LYRM1: variants seen among roughly 807,000 people sequenced by gnomAD.
The protein encoded by LYRM1 is LYR motif containing 1.
In LYRM1, 14 loss-of-function variants were observed where a neutral mutation model predicts 14.9. The observed-to-expected ratio is 0.94, with a 90% CI of 0.62 to 1.47. The LOEUF (loss-of-function observed/expected upper bound fraction) is 1.47, where lower values mean the gene tolerates loss of function less well. LYRM1 is among the 40% of genes most tolerant of loss of function. The pLI is 0.00. For synonymous variants in LYRM1, 43 were observed against 56.2 expected, an observed-to-expected ratio of 0.77 and a Z score of 1.05; for missense variants, 153 against 149.9, an observed-to-expected ratio of 1.02 and a Z score of -0.11.
chr16:20,911,828 C>T (rs2082608823), intron 1 of LYRM1, among the ~76,000 whole-genome samples: 1 of 152,136 alleles, frequency 6.6e-6, no homozygotes, highest in South Asian at 2.1e-4. Context: ...GAACTCCTGG[C>T]CTCAAATGAT....
At chr16:20,914,455 A>ATTT (rs35172104) in intron 1 of LYRM1, among the ~76,000 whole-genome samples, 12 of 132,222 alleles carry the variant, frequency 9.1e-5, no homozygotes, top group African/African-American at 2.3e-4. Context: ...CACCTGGCTA[A>ATTT]TTTTTTTTTT....
rs538746956 is a variant in LYRM1 at position 20,917,665 on chromosome 16, C to T, written c.159+1951C>T. Among the ~76,000 whole-genome samples the T allele has an allele frequency of 1.7e-4, 26 of 151,950 alleles. 1 individual carries two copies. The South Asian group carries it at 3.7e-3, about 22-fold the overall frequency. On this transcript the variant is annotated intron_variant, in intron 2 of 3. Transcript: ENST00000567954. ...TCCAGCTACTCAGGAGGCTGAGGCA[C>T]GAGAATTTCTTGAACCCAGGAGGCA...
intron 1 of LYRM1, among the ~76,000 whole-genome samples, chr16:20,911,834 A>G (rs1184396786): frequency 1.3e-5 from 2 of 152,114 alleles, no homozygotes; most frequent in Non-Finnish European, 2.9e-5. Flanking sequence ...CTGGCCTCAA[A>G]TGATCCTTCC....
Position 20,905,382 on chromosome 16 carries a change from C to T in LYRM1, c.-1+4493C>T, listed in dbSNP as rs192256786. On this transcript the variant is annotated intron_variant, in intron 1 of 3. Transcript: ENST00000567954. Reference sequence around the variant, plus strand: ...GTCAAGATTCAAACCCAGCCTTGTCCGCCCAGAGCCCAAAATAAATGTTCA... The same window carrying T: ...GTCAAGATTCAAACCCAGCCTTGTCTGCCCAGAGCCCAAAATAAATGTTCA... Among the ~76,000 whole-genome samples, 10 of 152,276 alleles carry T rather than the reference C, an allele frequency of 6.6e-5. No homozygotes were observed. In the East Asian group the frequency reaches 1.7e-3, roughly 26 times the overall value.
In LYRM1 at chr16:20,920,239, T is replaced by C. The variant is rs775212447; in HGVS notation, c.252+25T>C. On this transcript the variant is annotated intron_variant, in intron 3 of 3. Transcript: ENST00000567954. The stretch of plus-strand genomic sequence containing the variant: ...AGTAAGTGTGACTCCGGTTAACAAG[T>C]GCTGGGTACTTACCCTCATCAACCT... 4.0e-6 allele frequency: 6 copies of C among 1,507,530 alleles called. No homozygotes were observed. The East Asian group carries it at 1.1e-4, about 28-fold the overall frequency. The allele number at this position is 1,507,530 out of a possible 1,614,324, so 93.4% of individuals were successfully genotyped here.
upstream of LYRM1, chr16:20,900,549 C>G (rs1225980957): frequency 6.6e-6 from 1 of 152,234 alleles, no homozygotes. Flanking sequence ...AGGGCAAAGA[C>G]CTAGCAACCC....
In LYRM1 at chr16:20,901,576, A is replaced by C. The variant is rs1042164458; in HGVS notation, c.-1+687A>C. Among the ~76,000 whole-genome samples the C allele has an allele frequency of 2.0e-5, 3 of 152,252 alleles. No individual in the cohort carries two copies. Among genetic ancestry groups the C allele is most frequent in the Non-Finnish European group, 4.4e-5 (3 of 68,050 alleles). On this transcript the variant is annotated intron_variant, in intron 1 of 3. Transcript: ENST00000567954. The surrounding 1 kb of genome is among the most constrained non-coding windows in gnomAD (Gnocchi z 4.6). ...TTAGGTTGGAAACAGCCAGAAGGCC[A>C]TGTGGCTGAAGCAAACAGAGCCAGG...
At chr16:20,912,562 C>T (rs532182588) in intron 1 of LYRM1, among the ~76,000 whole-genome samples, 3 of 152,106 alleles carry the variant, frequency 2.0e-5, no homozygotes, top group Non-Finnish European at 2.9e-5. Context: ...TGAGCCACCG[C>T]GCCCAGCCGG....
At chr16:20,904,327 G>A (rs549824987) in intron 1 of LYRM1, among the ~76,000 whole-genome samples, 1 of 152,170 alleles carries the variant, frequency 6.6e-6, no homozygotes, top group African/African-American at 2.4e-5. Context: ...TAGAATGGGT[G>A]TGCTTGCCTC....
upstream of LYRM1, chr16:20,900,733 C>G (rs2081992950): frequency 6.6e-6 from 1 of 152,364 alleles, no homozygotes; most frequent in Admixed American, 6.5e-5. Flanking sequence ...AACTGGTGCT[C>G]CCACAGAGGT....
intron 2 of LYRM1, among the ~76,000 whole-genome samples, chr16:20,916,443 TC>T (rs2082906714): frequency 6.6e-6 from 1 of 152,030 alleles, no homozygotes; most frequent in Non-Finnish European, 1.5e-5. Context: ...CGGTCACTGC[TC>T]CCCTCATGAA....
intron 2 of LYRM1, among the ~76,000 whole-genome samples, chr16:20,918,458 CCA>C (rs1285503800): frequency 6.6e-6 from 1 of 152,232 alleles, no homozygotes; most frequent in East Asian, 1.9e-4. Flanking sequence ...GAATATTAGA[CCA>C]CAGTTTCACA....
chr16:20,905,704 G>A (rs752487979), intron 1 of LYRM1, among the ~76,000 whole-genome samples: 1 of 152,120 alleles, frequency 6.6e-6, no homozygotes, highest in Non-Finnish European at 1.5e-5. Context: ...TCAGTCCAGT[G>A]GACAAACCCT....
intron 1 of LYRM1, among the ~76,000 whole-genome samples, chr16:20,906,538 G>A (rs1057376090): frequency 3.3e-5 from 5 of 152,140 alleles, no homozygotes; most frequent in Admixed American, 2.0e-4. Context: ...ACTTCCTGGG[G>A]CTTGAAAATC....
At position 20,924,246 on chromosome 16, in the gene LYRM1, C is replaced by G; in HGVS notation, c.*130C>G. The G allele has an allele frequency of 1.6e-6, 1 of 608,296 alleles. No individual in the cohort carries two copies. Among genetic ancestry groups the G allele is most frequent in the African/African-American group, 1.9e-5 (1 of 53,696 alleles). The allele number at this position is 608,296 out of a possible 1,614,324, so 37.7% of individuals were successfully genotyped here. A position where few individuals can be genotyped will look rare whatever the true frequency, so the allele number is the denominator to read the frequency against. ...TTAAAACCTCCACAATTGATTCTCC[C>G]CCTGTGATGTAAACTTAGATATCCC... On this transcript the variant is annotated 3_prime_UTR_variant, in exon 4 of 4. Coordinates refer to ENST00000567954, the MANE Select transcript of LYRM1 (RefSeq NM_001128302.3).
At chr16:20,921,709 T>TAAAAA (rs67851107) in intron 3 of LYRM1, 1 of 127,678 alleles carries the variant, frequency 7.8e-6, no homozygotes. Context: ...CCAAATTTCT[T>TAAAAA]AAAAAAAAAA....
At chr16:20,923,888 T>C in intron 3 of LYRM1, 112 bp from the exon 4 acceptor site, 1 of 609,528 alleles carries the variant, frequency 1.6e-6, no homozygotes, top group South Asian at 2.2e-5. Flanking sequence ...AATGAATCAA[T>C]GTAGATACAG....
Position 20,919,266 on chromosome 16 carries a change from C to T in LYRM1, c.160-856C>T, listed in dbSNP as rs59680483. On this transcript the variant is annotated intron_variant, in intron 2 of 3. Coordinates refer to ENST00000567954, the MANE Select transcript of LYRM1 (RefSeq NM_001128302.3). ...GAGGTGTAGATCATTCTCCAGTGTC[C>T]TACTCTGGGGGTTTCAGGACAGCAC... is the stretch of plus-strand genomic sequence containing the variant. Among the ~76,000 whole-genome samples, 720 of 142,168 alleles carry T rather than the reference C, an allele frequency of 5.1e-3. 5 individuals carry two copies. The highest frequency in any genetic ancestry group is 0.017 in the African/African-American group (657 of 38,422). 93.3% of individuals were successfully genotyped at this position (142,168 alleles called of 152,430 possible). A position where few individuals can be genotyped will look rare whatever the true frequency, so the allele number is the denominator to read the frequency against.
In LYRM1 at chr16:20,920,112, C is replaced by G; in HGVS notation, c.160-10C>G. The stretch of plus-strand genomic sequence containing the variant: ...TACTATCAGCCTCATTTCTTTCTCC[C>G]TTTTAATAGCTCACGGACACAGACC... On this transcript the variant is annotated splice_polypyrimidine_tract_variant and intron_variant, in intron 2 of 3. Transcript: ENST00000567954. 2 of 1,597,080 alleles carry G rather than the reference C, an allele frequency of 1.3e-6. No individual in the cohort carries two copies. Among genetic ancestry groups the G allele is most frequent in the Non-Finnish European group, 1.7e-6 (2 of 1,165,494 alleles).
Sources: allele counts gnomAD v4.1 joint callset (sites outside exome capture counted in the v4.1 genomes callset), GRCh38; gene constraint gnomAD v4.1.1; non-coding constraint Gnocchi (gnomAD v3.1); transcripts MANE v1.5; gene names NCBI Gene and HGNC (gene_info 2026-07-23, HGNC 2026-07-21).